AFDN: variants seen among roughly 807,000 people sequenced by gnomAD.
AFDN encodes the protein afadin, adherens junction formation factor, also known as afadin.
AFDN carries 68 observed loss-of-function variants against 216.6 expected under a neutral mutation model. The observed-to-expected ratio is 0.31, with a 90% CI of 0.26 to 0.38. The LOEUF (loss-of-function observed/expected upper bound fraction) is 0.38. Ranked by LOEUF, AFDN falls within the 10% of genes least tolerant of loss-of-function variation. The pLI is 1.00. For missense variants in AFDN, 2,136 were observed against 2,342.0 expected (o/e 0.91, Z 1.82); for synonymous variants, 868 against 853.7 (o/e 1.02, Z -0.29).
chr6:167,897,271 G>GAT (rs1788380192), intron 10 of AFDN, among the ~76,000 whole-genome samples: 1 of 152,122 alleles, frequency 6.6e-6, no homozygotes, highest in Admixed American at 6.5e-5. Context: ...AGGATTACAG[G>GAT]ATATAACCTA....
At chr6:167,844,486 C>G (rs905637385) in intron 1 of AFDN, among the ~76,000 whole-genome samples, 1 of 152,120 alleles carries the variant, frequency 6.6e-6, no homozygotes. Flanking sequence ...ATGTAGTAAT[C>G]ATTTTCTTAA....
intron 23 of AFDN, 95 bp from the exon 24 acceptor site, chr6:167,943,034 A>T (rs763462731): frequency 4.6e-6 from 4 of 867,680 alleles, no homozygotes; most frequent in Non-Finnish European, 7.2e-6. Context: ...ATCTGTGTAC[A>T]TGTTGGGTGG....
intron 23 of AFDN, chr6:167,932,822 C>T (rs1462452356): frequency 6.6e-6 from 1 of 151,426 alleles, no homozygotes; most frequent in Admixed American, 6.6e-5. Flanking sequence ...TGAAGGAATG[C>T]TTTTTCTTTC....
intron 11 of AFDN, among the ~76,000 whole-genome samples, chr6:167,901,736 A>G (rs1788982933): frequency 6.6e-6 from 1 of 152,004 alleles, no homozygotes; most frequent in Non-Finnish European, 1.5e-5. Context: ...TGCTGCCTGG[A>G]TAGACTTACA....
chr6:167,901,288 A>C (rs1419435935), intron 11 of AFDN, among the ~76,000 whole-genome samples: 1 of 152,086 alleles, frequency 6.6e-6, no homozygotes, highest in Admixed American at 6.6e-5. Context: ...GTTGGTTTCC[A>C]GGTGTTTTTA....
At chr6:167,882,519 C>T (rs868567525) in intron 6 of AFDN, among the ~76,000 whole-genome samples, 8 of 151,238 alleles carry the variant, frequency 5.3e-5, no homozygotes, top group East Asian at 1.9e-4. Flanking sequence ...GGCATGGTGG[C>T]GCACACCTGT....
At chr6:167,898,969 G>C (rs773298987) in intron 11 of AFDN, among the ~76,000 whole-genome samples, 23 of 152,040 alleles carry the variant, frequency 1.5e-4, no homozygotes, top group Non-Finnish European at 3.1e-4. Flanking sequence ...TTTTTTTGTA[G>C]GTAGGGAATA....
At chr6:167,929,574 C>A (rs541909296) in intron 23 of AFDN, among the ~76,000 whole-genome samples, 1 of 152,184 alleles carries the variant, frequency 6.6e-6, no homozygotes, top group East Asian at 1.9e-4. Flanking sequence ...GTAGTTGTCC[C>A]CTTAGAGCAG....
chr6:167,918,708 T>C lies in AFDN; in HGVS notation c.2710-27T>C, dbSNP rs2273133. ...TGCACCAGGCAGTGAGCATCTCTTTTTAATTTTGCGTTTGTTTTCCAAACA... is the reference window on the plus strand; with the variant it reads ...TGCACCAGGCAGTGAGCATCTCTTTCTAATTTTGCGTTTGTTTTCCAAACA... On this transcript the variant is annotated intron_variant, in intron 20 of 33. Coordinates refer to ENST00000683244, the MANE Select transcript of AFDN (RefSeq NM_001386888.1). 7.6e-4 allele frequency: 1,230 copies of C among 1,612,342 alleles called. 12 individuals carry two copies. The East Asian group carries it at 0.023, about 30-fold the overall frequency.
chr6:167,914,282 G>A lies in AFDN; in HGVS notation c.2173G>A (p.Val725Ile), dbSNP rs371062489. The change falls in exon 17 of 34, where the codon GTT becomes ATT. Residue 725 changes from valine (V) to isoleucine (I), a missense_variant. Val to Ile is a conservative substitution (Grantham distance 29, BLOSUM62 3). Around this residue, in one of 8 missense-constraint regions of AFDN, gnomAD observed 817 missense variants for 965.7 expected, o/e 0.85. Transcript: ENST00000683244. ...LSRITLDAQD[V>I]LAHLVQMAFK... ...TCGGATCACACTGGATGCTCAAGAT[G>A]TTTTAGCACATTTGGTTCAAATGGC... is the stretch of plus-strand genomic sequence containing the variant. 1.1e-5 allele frequency: 18 copies of A among 1,613,896 alleles called. No homozygotes were observed. Among genetic ancestry groups the A allele is most frequent in the African/African-American group, 1.3e-5 (1 of 74,892 alleles).
chr6:167,955,683 TG>T (rs1796431867), intron 30 of AFDN, among the ~76,000 whole-genome samples: 1 of 152,218 alleles, frequency 6.6e-6, no homozygotes, highest in Admixed American at 6.5e-5. Context: ...ATAAGGTTTT[TG>T]TTCCATAGAA....
chr6:167,938,240 C>T (rs934861996), intron 23 of AFDN, among the ~76,000 whole-genome samples: 1 of 152,096 alleles, frequency 6.6e-6, no homozygotes, highest in African/African-American at 2.4e-5. Flanking sequence ...GAACATCAAC[C>T]AAGTCATGAA....
At position 167,971,882 on chromosome 6, in the gene AFDN, T is replaced by G. The variant is rs1562366399; in HGVS notation, c.*1947T>G. 1 of 202,010 alleles carries G rather than the reference T, an allele frequency of 5.0e-6. No homozygotes were observed. The highest frequency in any genetic ancestry group is 1.0e-5 in the Non-Finnish European group (1 of 98,298). 12.5% of individuals were successfully genotyped at this position (202,010 alleles called of 1,614,324 possible). ...TTTCTACTGTATTTCAGTTGCAACC[T>G]ATTTTTAATAAACTTTGTATGTATT... On this transcript the variant is annotated 3_prime_UTR_variant, in exon 34 of 34. Transcript: ENST00000683244.
rs779245212 is a variant in AFDN, at chr6:167,870,405, T to C, written c.321T>C (p.Asp107=). The change falls in exon 3 of 34, where the codon GAT becomes GAC. Residue 107 remains aspartate (D), a synonymous_variant. Coordinates refer to ENST00000683244, the MANE Select transcript of AFDN (RefSeq NM_001386888.1). The part of the protein sequence containing the change: ...HVSGERRLDI[D]EKPLVVQLNW... ...AAGAAGAAAGAAGATTGGATATAGATGAGAAACCTCTAGTTGTACAACTGA... is the reference window on the plus strand; with the variant it reads ...AAGAAGAAAGAAGATTGGATATAGACGAGAAACCTCTAGTTGTACAACTGA... The C allele has an allele frequency of 2.5e-6, 4 of 1,607,156 alleles. No homozygotes were observed. The East Asian group carries it at 8.9e-5, about 36-fold the overall frequency.
At chr6:167,954,414 A>G in intron 30 of AFDN, 1 of 1,538,966 alleles carries the variant, frequency 6.5e-7, no homozygotes. Context: ...TTTTTTTTCC[A>G]CACTTCATCT....
At chr6:167,910,130 G>A (rs1428971280) in intron 13 of AFDN, among the ~76,000 whole-genome samples, 1 of 152,186 alleles carries the variant, frequency 6.6e-6, no homozygotes, top group East Asian at 1.9e-4. Flanking sequence ...AACTGGATTT[G>A]TAATTTATTA....
At chr6:167,844,082 T>A (rs943690649) in intron 1 of AFDN, among the ~76,000 whole-genome samples, 1 of 152,166 alleles carries the variant, frequency 6.6e-6, no homozygotes, top group African/African-American at 2.4e-5. Flanking sequence ...AAGGTCTCCC[T>A]TTCTCCTCTG....
chr6:167,943,732 G>T (rs1369184453), intron 25 of AFDN, among the ~76,000 whole-genome samples: 3 of 152,150 alleles, frequency 2.0e-5, no homozygotes, highest in Admixed American at 2.0e-4. Context: ...TTCTTAAAAT[G>T]ATAACAGGAG....
intron 11 of AFDN, among the ~76,000 whole-genome samples, chr6:167,900,829 A>T (rs1245378869): frequency 6.6e-6 from 1 of 152,194 alleles, no homozygotes; most frequent in African/African-American, 2.4e-5. Context: ...ACTCAAACTG[A>T]TGGGAGCCAG....
Sources: gnomAD v4.1 joint callset for allele counts (sites outside exome capture counted in the v4.1 genomes callset) on GRCh38, gnomAD v4.1.1 for gene constraint, gnomAD v4.1.1 regional missense constraint, MANE v1.5 for transcripts, NCBI Gene and HGNC (gene_info 2026-07-23, HGNC 2026-07-21) for gene names.